MGMT: variants seen among roughly 807,000 people sequenced by gnomAD.
The protein encoded by MGMT is O-6-methylguanine-DNA methyltransferase, also known as methylated-DNA--protein-cysteine methyltransferase.
A neutral mutation model predicts 15.9 loss-of-function variants in MGMT; 14 were observed. The ratio of observed to expected loss-of-function variants is 0.88; its 90% CI spans 0.58 to 1.37. The LOEUF (loss-of-function observed/expected upper bound fraction) is 1.37. Ranked by LOEUF, MGMT falls within the 40% of genes most tolerant of loss-of-function variation. The probability of loss-of-function intolerance (pLI) is 0.00; values close to 1 mark genes in which losing one functional copy is unlikely to be tolerated. For missense variants in MGMT, 282 were observed against 268.1 expected, an observed-to-expected ratio of 1.05 and a Z score of -0.36; for synonymous variants, 130 against 118.2, an observed-to-expected ratio of 1.10 and a Z score of -0.65.
At chr10:129,642,186 A>C (rs1847335303) in intron 2 of MGMT, among the ~76,000 whole-genome samples, 2 of 150,732 alleles carry the variant, frequency 1.3e-5, no homozygotes, top group Admixed American at 1.3e-4. Context: ...TCCCTACATG[A>C]GGTTCCTCAC....
At chr10:129,595,214 G>A (rs1846737275) in intron 2 of MGMT, among the ~76,000 whole-genome samples, 1 of 152,124 alleles carries the variant, frequency 6.6e-6, no homozygotes, top group South Asian at 2.1e-4. Context: ...GGCACAGGAG[G>A]GTGCAGCCAT....
Position 129,614,437 on chromosome 10 carries a change from C to T in MGMT, c.125+78060C>T, listed in dbSNP as rs530405193. On this transcript the variant is annotated intron_variant, in intron 2 of 4. Transcript: ENST00000651593. ...GCTGCCACAACCTGAGGTCCGCGGA[C>T]GTCCCTGTGCTCGCTATGACTTCTT... Among the ~76,000 whole-genome samples, 3 of 152,310 alleles carry T rather than the reference C, an allele frequency of 2.0e-5. No homozygotes were observed. The East Asian group carries it at 5.8e-4, about 29-fold the overall frequency.
intron 1 of MGMT, among the ~76,000 whole-genome samples, chr10:129,469,477 C>T (rs1845206388): frequency 6.6e-6 from 1 of 152,136 alleles, no homozygotes; most frequent in African/African-American, 2.4e-5. Context: ...TTCTGACCCC[C>T]TTCCCCAGCA....
At chr10:129,669,970 T>G (rs1847703241) in intron 2 of MGMT, among the ~76,000 whole-genome samples, 1 of 152,206 alleles carries the variant, frequency 6.6e-6, no homozygotes, top group South Asian at 2.1e-4. Flanking sequence ...TCAGAAAAAT[T>G]TTAATATCAA....
intron 2 of MGMT, among the ~76,000 whole-genome samples, chr10:129,550,259 G>T (rs1292153078): frequency 6.6e-6 from 1 of 151,556 alleles, no homozygotes; most frequent in Non-Finnish European, 1.5e-5. Flanking sequence ...ATGTTTCACA[G>T]TGTTCCGCAG....
At chr10:129,600,349 A>G (rs1248163853) in intron 2 of MGMT, among the ~76,000 whole-genome samples, 2 of 152,218 alleles carry the variant, frequency 1.3e-5, no homozygotes, top group Non-Finnish European at 2.9e-5. Context: ...GAGACTGTGG[A>G]AAATAAACCA....
intron 1 of MGMT, among the ~76,000 whole-genome samples, chr10:129,495,649 C>T (rs540756937): frequency 4.6e-5 from 7 of 152,290 alleles, no homozygotes; most frequent in African/African-American, 1.4e-4. Flanking sequence ...TAACCTTACA[C>T]GATATCACAC....
intron 1 of MGMT, 119 bp downstream of exon 1, chr10:129,467,415 C>A (rs1279077821): frequency 4.4e-6 from 6 of 1,363,916 alleles, no homozygotes; most frequent in Non-Finnish European, 5.7e-6. Flanking sequence ...GCCGCCCTGA[C>A]CCCCACCCAT....
chr10:129,573,226 T>A (rs1846440341), intron 2 of MGMT, among the ~76,000 whole-genome samples: 1 of 152,206 alleles, frequency 6.6e-6, no homozygotes, highest in South Asian at 2.1e-4. Flanking sequence ...GACCATCATT[T>A]CTATTTTGAT....
Position 129,750,622 on chromosome 10 carries a change from T to C in MGMT, c.275-8580T>C, listed in dbSNP as rs1848741699. ...ACATTATTCTAGATATCCTAAGTAA[T>C]CTAGAAATGATTTAAAGTCTACAGG... On this transcript the variant is annotated intron_variant, in intron 3 of 4. Coordinates refer to ENST00000651593, the MANE Select transcript of MGMT (RefSeq NM_002412.5). Among the ~76,000 whole-genome samples, 2 of 152,114 alleles carry C rather than the reference T, an allele frequency of 1.3e-5. 1 individual carries two copies. The highest frequency in any genetic ancestry group is 4.1e-4 in the South Asian group (2 of 4,836).
intron 1 of MGMT, among the ~76,000 whole-genome samples, chr10:129,516,987 G>A (rs984519643): frequency 3.3e-5 from 5 of 152,218 alleles, no homozygotes; most frequent in Non-Finnish European, 4.4e-5. Context: ...GTTCTACCCC[G>A]AGTGCGGTTG....
At chr10:129,602,712 G>A (rs1398439116) in intron 2 of MGMT, among the ~76,000 whole-genome samples, 1 of 152,054 alleles carries the variant, frequency 6.6e-6, no homozygotes. Context: ...AGTGCTCCCG[G>A]CATTACCTGG....
At chr10:129,678,350 G>A (rs1395753633) in intron 2 of MGMT, among the ~76,000 whole-genome samples, 3 of 151,934 alleles carry the variant, frequency 2.0e-5, no homozygotes, top group Admixed American at 6.6e-5. Context: ...AGGCCCCGCT[G>A]CCCTGGCTGG....
intron 2 of MGMT, among the ~76,000 whole-genome samples, chr10:129,579,351 A>G (rs369634595): frequency 1.1e-3 from 170 of 152,286 alleles, no homozygotes; most frequent in East Asian, 5.0e-3. Flanking sequence ...TGGCTGGGCC[A>G]GGCCCCAGGA....
At chr10:129,651,509 C>T (rs1214967893) in intron 2 of MGMT, among the ~76,000 whole-genome samples, 1 of 151,948 alleles carries the variant, frequency 6.6e-6, no homozygotes, top group Non-Finnish European at 1.5e-5. Flanking sequence ...CTTTTTATTC[C>T]GTTTATGTCT....
intron 2 of MGMT, among the ~76,000 whole-genome samples, chr10:129,690,572 A>T (rs1459729187): frequency 6.6e-6 from 1 of 152,106 alleles, no homozygotes; most frequent in South Asian, 2.1e-4. Flanking sequence ...CATGGAGGGG[A>T]GGCTGGGCTG....
intron 2 of MGMT, among the ~76,000 whole-genome samples, chr10:129,587,274 A>G (rs1460500164): frequency 6.7e-6 from 1 of 150,172 alleles, no homozygotes; most frequent in African/African-American, 2.5e-5. Context: ...TTACATCTAT[A>G]TTTGTCTGTT....
chr10:129,642,587 G>A (rs1332119310), intron 2 of MGMT, among the ~76,000 whole-genome samples: 1 of 152,212 alleles, frequency 6.6e-6, no homozygotes, highest in East Asian at 1.9e-4. Flanking sequence ...TCTGGCCTCA[G>A]GGGTGTGTGT....
intron 2 of MGMT, among the ~76,000 whole-genome samples, chr10:129,567,103 T>C (rs1307043186): frequency 6.6e-6 from 1 of 152,134 alleles, no homozygotes; most frequent in Non-Finnish European, 1.5e-5. Flanking sequence ...TTAGAGCTGC[T>C]TTGTTTTCCT....
Sources: gnomAD v4.1 joint callset for allele counts (sites outside exome capture counted in the v4.1 genomes callset) on GRCh38, gnomAD v4.1.1 for gene constraint, MANE v1.5 for transcripts, NCBI Gene and HGNC (gene_info 2026-07-23, HGNC 2026-07-21) for gene names.